Variants in DGKI observed in about 807,000 individuals in gnomAD.
The protein encoded by DGKI is diacylglycerol kinase iota.
Under a neutral mutation model 147.5 loss-of-function variants are expected in DGKI, and 55 were observed. That is an observed-to-expected ratio of 0.37 (90% confidence interval 0.30 to 0.47). The LOEUF (loss-of-function observed/expected upper bound fraction) is 0.47, where lower values mean the gene tolerates loss of function less well. Among genes scored for constraint, DGKI ranks in the 20% least tolerant of loss-of-function variants. The probability of loss-of-function intolerance (pLI) is 1.00; values close to 1 mark genes in which losing one functional copy is unlikely to be tolerated. For missense variants in DGKI, 1,007 were observed against 1,323.8 expected (o/e 0.76, Z 3.71); for synonymous variants, 469 against 477.1 (o/e 0.98, Z 0.22).
At chr7:137,498,345 C>G (rs35470018) in intron 21 of DGKI, among the ~76,000 whole-genome samples, 37,022 of 151,454 alleles carry the variant, frequency 0.24, 7,917 homozygotes, top group African/African-American at 0.58. Flanking sequence ...CCCCATAATA[C>G]GAGTCTCAAA....
At chr7:137,842,143 G>A (rs771810872) in intron 1 of DGKI, among the ~76,000 whole-genome samples, 6 of 152,084 alleles carry the variant, frequency 3.9e-5, no homozygotes, top group South Asian at 4.1e-4. Context: ...TGCAAAACAC[G>A]GATAAAAACA....
intron 3 of DGKI, among the ~76,000 whole-genome samples, chr7:137,673,342 G>A (rs923179419): frequency 6.6e-6 from 1 of 152,152 alleles, no homozygotes; most frequent in Non-Finnish European, 1.5e-5. Flanking sequence ...GTGGATCACT[G>A]TCTCTCTACC....
At chr7:137,706,519 T>C (rs1055031068) in intron 1 of DGKI, among the ~76,000 whole-genome samples, 32 of 144,132 alleles carry the variant, frequency 2.2e-4, no homozygotes, top group Admixed American at 5.5e-4. Context: ...TATTTCATTT[T>C]ATTTTATTTC....
intron 3 of DGKI, among the ~76,000 whole-genome samples, chr7:137,660,927 C>G (rs1048889840): frequency 1.3e-5 from 2 of 152,068 alleles, no homozygotes; most frequent in Admixed American, 1.3e-4. Context: ...GGGTTAGCTA[C>G]TTTCACAGGC....
chr7:137,528,994 T>A (rs973791244), intron 20 of DGKI, among the ~76,000 whole-genome samples: 3 of 152,224 alleles, frequency 2.0e-5, no homozygotes, highest in Non-Finnish European at 4.4e-5. Flanking sequence ...CAAAGCTAGA[T>A]GCATATCAAA....
At chr7:137,733,811 C>G (rs551248590) in intron 1 of DGKI, among the ~76,000 whole-genome samples, 4 of 151,994 alleles carry the variant, frequency 2.6e-5, no homozygotes, top group Admixed American at 6.6e-5. Context: ...CAGACCTCAT[C>G]GAAAGGGTGG....
intron 21 of DGKI, among the ~76,000 whole-genome samples, chr7:137,508,234 T>C (rs1246432453): frequency 1.4e-5 from 2 of 142,368 alleles, no homozygotes; most frequent in East Asian, 4.0e-4. Context: ...TTTTTTTTTT[T>C]TTTTTTTTTT....
At chr7:137,629,494 T>C (rs542894003) in intron 6 of DGKI, among the ~76,000 whole-genome samples, 7 of 152,212 alleles carry the variant, frequency 4.6e-5, no homozygotes, top group Non-Finnish European at 7.3e-5. Context: ...CCCTCCGAAG[T>C]TGACAAACAA....
At chr7:137,814,342 C>T (rs1376764983) in intron 1 of DGKI, among the ~76,000 whole-genome samples, 1 of 152,172 alleles carries the variant, frequency 6.6e-6, no homozygotes, top group East Asian at 1.9e-4. Context: ...CCATCATCAA[C>T]TCCTCTTCTC....
intron 24 of DGKI, 34 bp downstream of exon 24, chr7:137,469,516 C>T (rs773719263): frequency 1.2e-5 from 20 of 1,610,806 alleles, no homozygotes; most frequent in African/African-American, 2.7e-5. Context: ...ACTTCCCCAA[C>T]TCCCACGATA....
At chr7:137,528,325 A>G (rs1472747831) in intron 20 of DGKI, among the ~76,000 whole-genome samples, 2 of 152,220 alleles carry the variant, frequency 1.3e-5, no homozygotes, top group Non-Finnish European at 2.9e-5. Flanking sequence ...AGATGTCCCC[A>G]TCAAAAAAGT....
At chr7:137,396,172 C>A (rs549276369) in intron 31 of DGKI, among the ~76,000 whole-genome samples, 30 of 152,362 alleles carry the variant, frequency 2.0e-4, no homozygotes, top group African/African-American at 7.0e-4. Context: ...TGGAGTATCT[C>A]CTGAGAACCC....
intron 21 of DGKI, among the ~76,000 whole-genome samples, chr7:137,502,463 A>G (rs751400208): frequency 6.6e-6 from 1 of 152,006 alleles, no homozygotes; most frequent in Non-Finnish European, 1.5e-5. Flanking sequence ...TACTGATTAC[A>G]TGATATGAAA....
intron 19 of DGKI, among the ~76,000 whole-genome samples, chr7:137,562,929 C>T (rs868862828): frequency 6.6e-6 from 1 of 152,092 alleles, no homozygotes; most frequent in South Asian, 2.1e-4. Context: ...CCAGTAGAAC[C>T]TTTATATCAA....
intron 27 of DGKI, among the ~76,000 whole-genome samples, chr7:137,462,152 T>C (rs1364978952): frequency 6.6e-6 from 1 of 152,142 alleles, no homozygotes; most frequent in Admixed American, 6.6e-5. Flanking sequence ...TTTTACTCAG[T>C]AAACAAATAC....
In DGKI at chr7:137,846,159, TCTCACA is replaced by T. The variant is rs1410003502; in HGVS notation, c.401+297_401+302del. 2.9e-4 allele frequency among the ~76,000 whole-genome samples: 38 copies of T among 130,132 alleles called. No homozygotes were observed. Among genetic ancestry groups the T allele is most frequent in the African/African-American group, 6.2e-4 (20 of 32,356 alleles). 85.4% of individuals were successfully genotyped at this position (130,132 alleles called of 152,430 possible). ...TTCTCTCTCTCTCTCTCTCTCTCTCTCTCACACACACACACACACACACACACACAC... is the reference window on the plus strand; with the variant it reads ...TTCTCTCTCTCTCTCTCTCTCTCTCTCACACACACACACACACACACACAC... On this transcript the variant is annotated intron_variant, in intron 1 of 32. Transcript: ENST00000614521. This position sits in a 1 kb window ranked among gnomAD's most constrained non-coding sequence, Gnocchi z 4.0.
intron 3 of DGKI, among the ~76,000 whole-genome samples, chr7:137,661,013 T>A (rs185093843): frequency 6.6e-6 from 1 of 152,276 alleles, no homozygotes; most frequent in East Asian, 1.9e-4. Flanking sequence ...TTCCCAATTG[T>A]CAGAAGTTTG....
chr7:137,745,844 G>A (rs1056769986), intron 1 of DGKI, among the ~76,000 whole-genome samples: 4 of 152,140 alleles, frequency 2.6e-5, no homozygotes, highest in African/African-American at 4.8e-5. Context: ...TGGTGAAAAC[G>A]TGAAGAAGGA....
At chr7:137,552,988 T>C (rs559244090) in intron 19 of DGKI, among the ~76,000 whole-genome samples, 2 of 152,174 alleles carry the variant, frequency 1.3e-5, no homozygotes, top group Non-Finnish European at 2.9e-5. Context: ...CTGATAAACA[T>C]ACTAAAATTA....
Sources: allele counts gnomAD v4.1 joint callset (sites outside exome capture counted in the v4.1 genomes callset), GRCh38; gene constraint gnomAD v4.1.1; non-coding constraint Gnocchi (gnomAD v3.1); transcripts MANE v1.5; gene names NCBI Gene and HGNC (gene_info 2026-07-23, HGNC 2026-07-21).